The following VPS13B variants were observed in gnomAD, a reference collection of about 807,000 sequenced individuals.
The protein encoded by VPS13B is vacuolar protein sorting 13 homolog B.
In VPS13B, 285 loss-of-function variants were observed where a neutral mutation model predicts 426.4. The ratio of observed to expected loss-of-function variants is 0.67; its 90% CI spans 0.61 to 0.74. The LOEUF (loss-of-function observed/expected upper bound fraction) is 0.74. VPS13B is among the 30% of genes least tolerant of loss of function. The pLI, the probability that VPS13B is intolerant of heterozygous loss-of-function variation, is 0.00. For synonymous variants in VPS13B, 1,676 were observed against 1,676.4 expected (o/e 1.00, Z 0.01); for missense variants, 4,537 against 4,782.6 (o/e 0.95, Z 1.51).
At chr8:99,122,845 G>C (rs1470296019) in intron 8 of VPS13B, among the ~76,000 whole-genome samples, 1 of 152,076 alleles carries the variant, frequency 6.6e-6, no homozygotes, top group Non-Finnish European at 1.5e-5. Flanking sequence ...AGACGTGGTG[G>C]CTCACGCCTG....
chr8:99,832,606 G>C lies in VPS13B; in HGVS notation c.9568G>C (p.Val3190Leu), dbSNP rs775768806. 1.9e-5 allele frequency: 31 copies of C among 1,613,936 alleles called. No homozygotes were observed. Among genetic ancestry groups the C allele is most frequent in the Middle Eastern group, 3.4e-4 (2 of 5,968 alleles). Residue 3190 changes from valine (V) to leucine (L), a missense_variant, in exon 52 of 62, where the codon GTG becomes CTG. Physicochemically the swap from Val to Leu is conservative, Grantham distance 32. This residue lies in a region of VPS13B where 4,311 missense variants were observed against 4,474.3 expected (regional missense o/e 0.96). Transcript: ENST00000357162. Reference sequence around the variant, plus strand: ...TAGACCAGAGTTTCCCAGACAGAGTGTGGCAGTACCCCTCGGGAATTTCCG... The same window carrying C: ...TAGACCAGAGTTTCCCAGACAGAGTCTGGCAGTACCCCTCGGGAATTTCCG... ...IVRPEFPRQS[V>L]AVPLGNFREN...
intron 25 of VPS13B, among the ~76,000 whole-genome samples, chr8:99,483,018 C>G (rs909396385): frequency 6.6e-6 from 1 of 152,010 alleles, no homozygotes; most frequent in Non-Finnish European, 1.5e-5. Context: ...TGCATAAAGA[C>G]ACCATTTCCT....
intron 21 of VPS13B, among the ~76,000 whole-genome samples, chr8:99,394,873 G>A (rs967541078): frequency 1.6e-4 from 25 of 152,278 alleles, no homozygotes; most frequent in African/African-American, 5.8e-4. Context: ...ATGAAGACAT[G>A]TGATAATGAT....
At chr8:99,335,280 C>T (rs905499147) in intron 19 of VPS13B, among the ~76,000 whole-genome samples, 6 of 151,992 alleles carry the variant, frequency 3.9e-5, no homozygotes, top group East Asian at 1.9e-4. Flanking sequence ...AGCAGTCTAT[C>T]GATTTTGTTG....
At chr8:99,183,671 A>G (rs1238106380) in intron 16 of VPS13B, among the ~76,000 whole-genome samples, 1 of 152,108 alleles carries the variant, frequency 6.6e-6, no homozygotes, top group Admixed American at 6.6e-5. Flanking sequence ...CTTAGTAACT[A>G]ATATATAAAT....
chr8:99,627,306 C>T (rs1052025891), intron 33 of VPS13B, among the ~76,000 whole-genome samples: 3 of 152,002 alleles, frequency 2.0e-5, no homozygotes, highest in Admixed American at 2.0e-4. Context: ...CCAGCCTGGG[C>T]AACAGAGCCA....
chr8:99,372,245 G>A (rs762156190), intron 19 of VPS13B, among the ~76,000 whole-genome samples: 19 of 134,070 alleles, frequency 1.4e-4, no homozygotes, highest in Admixed American at 2.4e-4. Flanking sequence ...GCGAGACTCC[G>A]TCTCAAAAAA....
intron 19 of VPS13B, among the ~76,000 whole-genome samples, chr8:99,287,698 C>T (rs995317395): frequency 3.3e-5 from 5 of 151,798 alleles, no homozygotes; most frequent in African/African-American, 1.2e-4. Flanking sequence ...GTAAGAAGCA[C>T]AAATGATCAA....
At chr8:99,663,390 A>G (rs80002047) in intron 35 of VPS13B, among the ~76,000 whole-genome samples, 210 of 152,344 alleles carry the variant, frequency 1.4e-3, no homozygotes, top group African/African-American at 5.0e-3. Context: ...TTTTAAATAT[A>G]TGAAGGAAAG....
chr8:99,175,504 A>G (rs1392123880), intron 16 of VPS13B, among the ~76,000 whole-genome samples: 1 of 152,202 alleles, frequency 6.6e-6, no homozygotes, highest in East Asian at 1.9e-4. Context: ...AAATTTGGCC[A>G]GGAATGGTGG....
chr8:99,661,304 A>G (rs755708521), intron 34 of VPS13B, 50 bp from the exon 35 acceptor site: 1 of 1,608,884 alleles, frequency 6.2e-7, no homozygotes, highest in South Asian at 1.1e-5. Context: ...TATCAAAATG[A>G]GATATTTGTG....
intron 28 of VPS13B, among the ~76,000 whole-genome samples, chr8:99,508,297 A>T (rs1368526563): frequency 6.6e-6 from 1 of 152,116 alleles, no homozygotes; most frequent in Non-Finnish European, 1.5e-5. Context: ...CAACTAATTC[A>T]AAGTAACTTG....
intron 33 of VPS13B, among the ~76,000 whole-genome samples, chr8:99,588,031 T>A (rs1168955193): frequency 6.6e-6 from 1 of 151,820 alleles, no homozygotes; most frequent in Non-Finnish European, 1.5e-5. Flanking sequence ...GTTTCAGCTT[T>A]CTACATATGG....
intron 2 of VPS13B, among the ~76,000 whole-genome samples, chr8:99,025,693 T>G (rs1438868651): frequency 1.3e-5 from 2 of 152,160 alleles, no homozygotes; most frequent in Admixed American, 6.6e-5. Context: ...AGTCCCAGGC[T>G]TTTCTTTGTT....
intron 31 of VPS13B, among the ~76,000 whole-genome samples, chr8:99,573,171 T>G (rs2133802926): frequency 6.6e-6 from 1 of 152,358 alleles, no homozygotes; most frequent in East Asian, 1.9e-4. Context: ...GTAAATTTGT[T>G]TGAGTTCTTT....
chr8:99,472,854 A>G (rs768982487), intron 24 of VPS13B, among the ~76,000 whole-genome samples: 5 of 152,102 alleles, frequency 3.3e-5, no homozygotes, highest in African/African-American at 4.8e-5. Flanking sequence ...AGTTGATAAC[A>G]TTAAAAGCAT....
At chr8:99,719,830 C>G (rs1042422905) in intron 37 of VPS13B, among the ~76,000 whole-genome samples, 1 of 152,168 alleles carries the variant, frequency 6.6e-6, no homozygotes, top group Non-Finnish European at 1.5e-5. Context: ...TTGGCACAGT[C>G]TTACTAAACA....
At chr8:99,249,524 C>T (rs1477260888) in intron 17 of VPS13B, among the ~76,000 whole-genome samples, 2 of 150,964 alleles carry the variant, frequency 1.3e-5, no homozygotes, top group Non-Finnish European at 3.0e-5. Flanking sequence ...CCCTGGTTCA[C>T]GCCGTTCTCC....
At chr8:99,633,836 T>TGTGTGC (rs1432874227) in intron 33 of VPS13B, among the ~76,000 whole-genome samples, 3 of 151,450 alleles carry the variant, frequency 2.0e-5, no homozygotes, top group Non-Finnish European at 3.0e-5. Context: ...TGTGTGTGTG[T>TGTGTGC]GTGCGTGTTT....
Sources: gnomAD v4.1 joint callset for allele counts (sites outside exome capture counted in the v4.1 genomes callset) on GRCh38, gnomAD v4.1.1 for gene constraint, gnomAD v4.1.1 regional missense constraint, MANE v1.5 for transcripts, NCBI Gene and HGNC (gene_info 2026-07-23, HGNC 2026-07-21) for gene names.